The following RAPGEF4 variants were observed in gnomAD, a reference collection of about 807,000 sequenced individuals.
RAPGEF4 encodes the protein RAP guanine-nucleotide-exchange factor (GEF) 4.
A neutral mutation model predicts 147.9 loss-of-function variants in RAPGEF4; 66 were observed. The ratio of observed to expected loss-of-function variants is 0.45; its 90% CI spans 0.37 to 0.55. The LOEUF is 0.55. RAPGEF4 is among the 20% of genes least tolerant of loss of function. The pLI is 0.00. For synonymous variants in RAPGEF4, 419 were observed against 442.7 expected, an observed-to-expected ratio of 0.95 and a Z score of 0.67; for missense variants, 1,071 against 1,257.3, an observed-to-expected ratio of 0.85 and a Z score of 2.24.
intron 10 of RAPGEF4, among the ~76,000 whole-genome samples, chr2:172,974,334 T>A (rs1296505414): frequency 6.6e-6 from 1 of 152,146 alleles, no homozygotes; most frequent in African/African-American, 2.4e-5. Flanking sequence ...AATGGACTCA[T>A]GGGTTTATGC....
At chr2:172,937,423 T>C (rs1050857338) in intron 6 of RAPGEF4, among the ~76,000 whole-genome samples, 8 of 152,186 alleles carry the variant, frequency 5.3e-5, no homozygotes, top group African/African-American at 1.7e-4. Flanking sequence ...GGGTATTTGG[T>C]AGAATGTCCC....
intron 17 of RAPGEF4, among the ~76,000 whole-genome samples, chr2:173,009,937 G>A (rs1694848967): frequency 6.6e-6 from 1 of 152,194 alleles, no homozygotes. Flanking sequence ...ATCTGACTCT[G>A]CTGTATAATC....
At chr2:172,985,325 A>G (rs1438645853) in intron 11 of RAPGEF4, 108 bp from the exon 12 acceptor site, 3 of 1,493,370 alleles carry the variant, frequency 2.0e-6, no homozygotes, top group East Asian at 2.3e-5. Flanking sequence ...AGATGACTGC[A>G]TGGGAAGCCC....
chr2:172,955,999 C>A (rs959425697), intron 6 of RAPGEF4, among the ~76,000 whole-genome samples: 2 of 152,234 alleles, frequency 1.3e-5, no homozygotes, highest in African/African-American at 2.4e-5. Flanking sequence ...TTCCCTCTTC[C>A]ATTTAACCTA....
chr2:172,901,757 T>G (rs1050998831), intron 4 of RAPGEF4, among the ~76,000 whole-genome samples: 1 of 152,184 alleles, frequency 6.6e-6, no homozygotes, highest in African/African-American at 2.4e-5. Flanking sequence ...CAGTGATTCT[T>G]TCACTCAACA....
rs184444826 is a variant in RAPGEF4 at position 172,988,683 on chromosome 2, C to T, written c.1228-10C>T. 3.0e-5 allele frequency: 48 copies of T among 1,610,084 alleles called. No homozygotes were observed. The East Asian group carries it at 3.3e-4, about 11-fold the overall frequency. ...GGATCTTCTTCATCTGTGTGCTCTA[C>T]TCTATCCAGGGTGTGGTCTGCACCC... On this transcript the variant is annotated splice_polypyrimidine_tract_variant and intron_variant, in intron 13 of 30. Coordinates refer to ENST00000397081, the MANE Select transcript of RAPGEF4 (RefSeq NM_007023.4).
In RAPGEF4 at chr2:172,984,950, A is replaced by C. The variant is rs139679045; in HGVS notation, c.1090-483A>C. On this transcript the variant is annotated intron_variant, in intron 11 of 30. Coordinates refer to ENST00000397081, the MANE Select transcript of RAPGEF4 (RefSeq NM_007023.4). ...ATGTGAATTTTAGCTAGCTAGGAAT[A>C]ATTTGGAATTTTAACTAAGAATATA... Among the ~76,000 whole-genome samples, 490 of 152,312 alleles carry C rather than the reference A, an allele frequency of 3.2e-3. 2 individuals are homozygous for C. Among genetic ancestry groups the C allele is most frequent in the African/African-American group, 0.011 (472 of 41,556 alleles).
rs141442983 is a variant in RAPGEF4 at position 172,932,798 on chromosome 2, T to C, written c.537+10498T>C. On this transcript the variant is annotated intron_variant, in intron 6 of 30. Coordinates refer to ENST00000397081, the MANE Select transcript of RAPGEF4 (RefSeq NM_007023.4). ...AGTCTCTTATGGATCACCCTCATACTGAACATGTATCAAAAATATGTACTT... is the reference window on the plus strand; with the variant it reads ...AGTCTCTTATGGATCACCCTCATACCGAACATGTATCAAAAATATGTACTT... Among the ~76,000 whole-genome samples, 654 of 152,348 alleles carry C rather than the reference T, an allele frequency of 4.3e-3. 5 individuals are homozygous for C. The highest frequency in any genetic ancestry group is 0.015 in the African/African-American group (630 of 41,578).
intron 1 of RAPGEF4, among the ~76,000 whole-genome samples, chr2:172,762,038 C>T (rs1248385608): frequency 1.3e-5 from 2 of 152,210 alleles, no homozygotes; most frequent in Non-Finnish European, 2.9e-5. Context: ...AGGAGAATTG[C>T]TTGAACCCAA....
rs1175890876 is a variant in RAPGEF4 at position 173,052,648 on chromosome 2, T to C, written c.*881T>C. The C allele has an allele frequency of 6.6e-6, 1 of 152,670 alleles. No individual in the cohort carries two copies. Among genetic ancestry groups the C allele is most frequent in the Non-Finnish European group, 1.5e-5 (1 of 68,040 alleles). The allele number at this position is 152,670 out of a possible 1,614,324, so 9.5% of individuals were successfully genotyped here. A position where few individuals can be genotyped will look rare whatever the true frequency, so the allele number is the denominator to read the frequency against. ...TTACAAATATCTTAATTTTCAGTAA[T>C]TGTTTTGCACTTTCAAAGATTGTAA... On this transcript the variant is annotated 3_prime_UTR_variant, in exon 31 of 31. Transcript: ENST00000397081.
chr2:172,865,356 G>GC (rs1382596809), intron 4 of RAPGEF4, among the ~76,000 whole-genome samples: 1 of 152,082 alleles, frequency 6.6e-6, no homozygotes, highest in African/African-American at 2.4e-5. Flanking sequence ...TCAATTACCT[G>GC]CGTAGTCCAA....
intron 5 of RAPGEF4, among the ~76,000 whole-genome samples, chr2:172,919,103 C>T (rs968529979): frequency 7.2e-5 from 11 of 152,132 alleles, no homozygotes; most frequent in African/African-American, 2.7e-4. Flanking sequence ...TCTCTCCTGG[C>T]TGAGCCAGGG....
chr2:173,015,686 T>G (rs1485741385), intron 18 of RAPGEF4, among the ~76,000 whole-genome samples: 1 of 152,196 alleles, frequency 6.6e-6, no homozygotes, highest in Non-Finnish European at 1.5e-5. Context: ...GCCATGGTTC[T>G]CACCTTCTGC....
chr2:172,869,870 CT>C (rs1180450412), intron 4 of RAPGEF4, among the ~76,000 whole-genome samples: 1 of 152,062 alleles, frequency 6.6e-6, no homozygotes, highest in African/African-American at 2.4e-5. Context: ...GGTAAAGTGT[CT>C]TTTTATATGG....
At chr2:172,815,693 TCTAA>T (rs920826998) in intron 4 of RAPGEF4, among the ~76,000 whole-genome samples, 32 of 152,204 alleles carry the variant, frequency 2.1e-4, no homozygotes, top group Admixed American at 8.5e-4. Flanking sequence ...AAAAATGATT[TCTAA>T]CTGTGATGTG....
chr2:172,932,517 A>C (rs902448744), intron 6 of RAPGEF4, among the ~76,000 whole-genome samples: 5 of 152,182 alleles, frequency 3.3e-5, no homozygotes, highest in Non-Finnish European at 7.3e-5. Flanking sequence ...GCTTTTTAAT[A>C]GTTACAATGT....
chr2:172,786,322 A>G (rs1574833373), intron 1 of RAPGEF4, among the ~76,000 whole-genome samples: 1 of 152,050 alleles, frequency 6.6e-6, no homozygotes, highest in Non-Finnish European at 1.5e-5. Flanking sequence ...TTATTATACT[A>G]TATTCTAATT....
rs10676347 is a variant in RAPGEF4, at chr2:172,915,703, C to CAA, written c.445-2083_445-2082dup. Among the ~76,000 whole-genome samples the CAA allele has an allele frequency of 5.5e-3, 631 of 113,836 alleles. 42 individuals carry two copies. The highest frequency in any genetic ancestry group is 0.014 in the Middle Eastern group (3 of 218). The allele number at this position is 113,836 out of a possible 152,430, so 74.7% of individuals were successfully genotyped here. ...TGGGCAACAGAGTGAGACCCTGTCT[C>CAA]AAAAAAAAAAAAAAAAAGATATCTG... On this transcript the variant is annotated intron_variant, in intron 4 of 30. Coordinates refer to ENST00000397081, the MANE Select transcript of RAPGEF4 (RefSeq NM_007023.4).
chr2:172,924,385 GT>G (rs1685064234), intron 6 of RAPGEF4, among the ~76,000 whole-genome samples: 1 of 152,212 alleles, frequency 6.6e-6, no homozygotes, highest in Non-Finnish European at 1.5e-5. Flanking sequence ...CAATGAGCTC[GT>G]CAGATACAAT....
Sources: allele counts gnomAD v4.1 joint callset (sites outside exome capture counted in the v4.1 genomes callset), GRCh38; gene constraint gnomAD v4.1.1; transcripts MANE v1.5; gene names NCBI Gene and HGNC (gene_info 2026-07-23, HGNC 2026-07-21).